The following ATL2 variants were observed in gnomAD, a reference collection of about 807,000 sequenced individuals.
ATL2 encodes atlastin-2.
ATL2 carries 31 observed loss-of-function variants against 73.9 expected under a neutral mutation model. The observed-to-expected ratio is 0.42, with a 90% CI of 0.32 to 0.57. ATL2 has a LOEUF of 0.57. Among genes scored for constraint, ATL2 ranks in the 20% least tolerant of loss-of-function variants. ATL2 has a pLI of 0.14. For synonymous variants in ATL2, 291 were observed against 237.5 expected (o/e 1.23, Z -2.07); for missense variants, 738 against 702.6 (o/e 1.05, Z -0.57).
chr2:38,356,819 CTA>C (rs150007404), intron 1 of ATL2, among the ~76,000 whole-genome samples: 12,157 of 152,146 alleles, frequency 0.08, 1,386 homozygotes, highest in African/African-American at 0.26. Context: ...ACAACCATTT[CTA>C]TACATGTTTC....
chr2:38,316,627 T>G (rs1668038732), intron 4 of ATL2, among the ~76,000 whole-genome samples: 1 of 152,106 alleles, frequency 6.6e-6, no homozygotes, highest in African/African-American at 2.4e-5. Context: ...TATTTATACT[T>G]TACAAAGCAC....
At chr2:38,373,999 C>G (rs1407642836) in intron 1 of ATL2, among the ~76,000 whole-genome samples, 1 of 152,206 alleles carries the variant, frequency 6.6e-6, no homozygotes, top group Non-Finnish European at 1.5e-5. Context: ...TCAAGCGATT[C>G]TCCTGCCTCA....
At position 38,309,427 on chromosome 2, in the gene ATL2, C is replaced by T; in HGVS notation, c.1023G>A (p.Glu341=). Residue 341 remains glutamate (E), a synonymous_variant, in exon 9 of 13, where the codon GAG becomes GAA. Transcript: ENST00000378954. ...LLAPENLVEK[E]ISGSKVTCRD... ...TACAAGTGACTTTAGATCCACTTAT[C>T]TCTTTTTCTACCAAATTTTCAGGGG... The T allele has an allele frequency of 1.9e-6, 3 of 1,612,414 alleles. No homozygotes were observed. The highest frequency in any genetic ancestry group is 2.5e-6 in the Non-Finnish European group (3 of 1,179,662).
At chr2:38,307,249 T>G (rs933468215) in intron 9 of ATL2, among the ~76,000 whole-genome samples, 1 of 152,178 alleles carries the variant, frequency 6.6e-6, no homozygotes. Context: ...TCCCAGCTAC[T>G]TTTTTGATGT....
Position 38,308,019 on chromosome 2 carries a change from G to T in ATL2, c.1071+1360C>A, listed in dbSNP as rs144071091. Among the ~76,000 whole-genome samples the T allele has an allele frequency of 4.2e-3, 637 of 151,578 alleles. 8 individuals are homozygous for T. The highest frequency in any genetic ancestry group is 0.015 in the African/African-American group (603 of 41,406). ...ACACTGTTGGCAGAAAGGTAAATTAGTACAACCACTATGGAGAACAGTTTG... is the reference window on the plus strand; with the variant it reads ...ACACTGTTGGCAGAAAGGTAAATTATTACAACCACTATGGAGAACAGTTTG... On this transcript the variant is annotated intron_variant, in intron 9 of 12. Coordinates refer to ENST00000378954, the MANE Select transcript of ATL2 (RefSeq NM_001135673.4).
chr2:38,310,495 T>A (rs1272012200), intron 7 of ATL2, 48 bp from the exon 8 acceptor site: 5 of 1,536,384 alleles, frequency 3.3e-6, no homozygotes, highest in East Asian at 2.3e-5. Flanking sequence ...AGAAAGAAAA[T>A]TTTTTTAAAG....
chr2:38,317,792 T>C (rs1164834501), intron 4 of ATL2, among the ~76,000 whole-genome samples: 1 of 115,582 alleles, frequency 8.7e-6, no homozygotes, highest in Non-Finnish European at 1.7e-5. Context: ...ACATGTGATA[T>C]CTTTTCCTTT....
chr2:38,313,142 G>A lies in ATL2; in HGVS notation c.804+9C>T, dbSNP rs1396852566. On this transcript the variant is annotated intron_variant, in intron 7 of 12. Coordinates refer to ENST00000378954, the MANE Select transcript of ATL2 (RefSeq NM_001135673.4). ...CTTATGTTCTCCTCTTTAAGCATTAGGGTCTTACCTGTAATCTCTTTTCAA... is the reference window on the plus strand; with the variant it reads ...CTTATGTTCTCCTCTTTAAGCATTAAGGTCTTACCTGTAATCTCTTTTCAA... 2 of 1,599,964 alleles carry A rather than the reference G, an allele frequency of 1.3e-6. No individual in the cohort carries two copies. Among genetic ancestry groups the A allele is most frequent in the African/African-American group, 2.7e-5 (2 of 74,566 alleles).
chr2:38,350,350 T>C (rs947719280), intron 1 of ATL2, among the ~76,000 whole-genome samples: 1 of 152,094 alleles, frequency 6.6e-6, no homozygotes, highest in Non-Finnish European at 1.5e-5. Context: ...TCTCCACACA[T>C]TAACACTAAG....
At chr2:38,352,520 T>C (rs1314403371) in intron 1 of ATL2, among the ~76,000 whole-genome samples, 1 of 152,120 alleles carries the variant, frequency 6.6e-6, no homozygotes, top group Non-Finnish European at 1.5e-5. Flanking sequence ...TGAGGCAGGA[T>C]ACCAGAGAAA....
At chr2:38,364,830 G>T (rs1263803178) in intron 1 of ATL2, among the ~76,000 whole-genome samples, 1 of 151,956 alleles carries the variant, frequency 6.6e-6, no homozygotes, top group Non-Finnish European at 1.5e-5. Flanking sequence ...GGATCACGAG[G>T]TCAGGAGATT....
Position 38,294,516 on chromosome 2 carries a change from C to G in ATL2, c.*1478G>C, listed in dbSNP as rs909354938. ...TGAGCCAAGATCGCACCACTGCACT[C>G]CAGCCTGGGTGACAGAGAGAGACTC... On this transcript the variant is annotated 3_prime_UTR_variant, in exon 13 of 13. Coordinates refer to ENST00000378954, the MANE Select transcript of ATL2 (RefSeq NM_001135673.4). Among the ~76,000 whole-genome samples, 1 of 152,136 alleles carries G rather than the reference C, an allele frequency of 6.6e-6. No individual in the cohort carries two copies. The highest frequency in any genetic ancestry group is 2.4e-5 in the African/African-American group (1 of 41,430).
chr2:38,318,473 G>C (rs1330921531), intron 4 of ATL2, 62 bp downstream of exon 4: 2 of 1,129,060 alleles, frequency 1.8e-6, no homozygotes, highest in Non-Finnish European at 2.4e-6. Context: ...TCTCAAAAAA[G>C]AAAAAAAAAA....
intron 1 of ATL2, among the ~76,000 whole-genome samples, chr2:38,348,661 AATT>A (rs1472870913): frequency 1.3e-5 from 2 of 151,868 alleles, no homozygotes; most frequent in African/African-American, 4.8e-5. Context: ...CAAAAGCCAA[AATT>A]GACAAATGGT....
chr2:38,356,270 G>C (rs1175924117), intron 1 of ATL2, among the ~76,000 whole-genome samples: 1 of 151,758 alleles, frequency 6.6e-6, no homozygotes, highest in Non-Finnish European at 1.5e-5. Context: ...CCAGGCTGGA[G>C]TGCAATGGTG....
chr2:38,331,095 G>A (rs1031254857), intron 2 of ATL2, among the ~76,000 whole-genome samples: 23 of 152,040 alleles, frequency 1.5e-4, no homozygotes, highest in African/African-American at 5.1e-4. Context: ...GCAGGAGTTC[G>A]AGACAAACCT....
At chr2:38,338,895 A>G (rs1669530512) in intron 2 of ATL2, among the ~76,000 whole-genome samples, 1 of 152,208 alleles carries the variant, frequency 6.6e-6, no homozygotes, top group African/African-American at 2.4e-5. Context: ...AAATTGAGGA[A>G]CGTTCTTCAA....
intron 10 of ATL2, 31 bp downstream of exon 10, chr2:38,300,241 G>GGT: frequency 6.5e-7 from 1 of 1,535,794 alleles, no homozygotes; most frequent in Non-Finnish European, 9.0e-7. Context: ...ATAAGTATAT[G>GGT]TACAACACAT....
rs1666864787 is a variant in ATL2 at position 38,295,901 on chromosome 2, T to C, written c.*93A>G. ...CAGTTACACTAAACTACTTCTACAG[T>C]TGATTGTAAACTTTGGTTTATTTTT... is the stretch of plus-strand genomic sequence containing the variant. On this transcript the variant is annotated 3_prime_UTR_variant, in exon 13 of 13. Coordinates refer to ENST00000378954, the MANE Select transcript of ATL2 (RefSeq NM_001135673.4). The C allele has an allele frequency of 7.4e-6, 8 of 1,082,828 alleles. No homozygotes were observed. The highest frequency in any genetic ancestry group is 1.1e-5 in the Non-Finnish European group (8 of 758,290). 67.1% of individuals were successfully genotyped at this position (1,082,828 alleles called of 1,614,324 possible). A position where few individuals can be genotyped will look rare whatever the true frequency, so the allele number is the denominator to read the frequency against.
Sources: gnomAD v4.1 joint callset for allele counts (sites outside exome capture counted in the v4.1 genomes callset) on GRCh38, gnomAD v4.1.1 for gene constraint, MANE v1.5 for transcripts, NCBI Gene and HGNC (gene_info 2026-07-23, HGNC 2026-07-21) for gene names.